Variants in TTC28 observed in about 807,000 individuals in gnomAD.
TTC28 encodes tetratricopeptide repeat domain 28, also known as tetratricopeptide repeat protein 28.
In TTC28, 61 loss-of-function variants were observed where a neutral mutation model predicts 198.0. That is an observed-to-expected ratio of 0.31 (90% CI 0.25 to 0.38). The LOEUF (loss-of-function observed/expected upper bound fraction) is 0.38. Among genes scored for constraint, TTC28 ranks in the 10% least tolerant of loss-of-function variants. The probability of loss-of-function intolerance (pLI) is 1.00; values close to 1 mark genes in which losing one functional copy is unlikely to be tolerated. For synonymous variants in TTC28, 1,171 were observed against 1,297.8 expected, an observed-to-expected ratio of 0.90 and a Z score of 2.10; for missense variants, 2,678 against 3,164.0, an observed-to-expected ratio of 0.85 and a Z score of 3.69.
chr22:28,151,136 T>C (rs562500939), intron 6 of TTC28, among the ~76,000 whole-genome samples: 3 of 152,322 alleles, frequency 2.0e-5, no homozygotes, highest in East Asian at 1.9e-4. Flanking sequence ...ATTAGAAAGA[T>C]AGAGCTGTTG....
At position 27,999,158 on chromosome 22, in the gene TTC28, A is replaced by G; in HGVS notation, c.4501T>C (p.Trp1501Arg). 6.4e-7 allele frequency: 1 copy of G among 1,550,618 alleles called. No individual in the cohort carries two copies. Among genetic ancestry groups the G allele is most frequent in the Non-Finnish European group, 8.7e-7 (1 of 1,146,984 alleles). The change falls in exon 16 of 23, where the codon TGG (tryptophan) becomes CGG (arginine). Residue 1501 changes from tryptophan (W) to arginine (R), a missense_variant. By Grantham distance (101) the Trp-to-Arg change is moderately radical. Around this residue, in one of 8 missense-constraint regions of TTC28, gnomAD observed 727 missense variants for 861.9 expected, o/e 0.84. Coordinates refer to ENST00000397906, the MANE Select transcript of TTC28 (RefSeq NM_001145418.2). ...LPSAVMDRWL[W>R]GPMPSAEEEA... is the part of the protein sequence containing the mutation. ...TCCTCGGCCGATGGCATGGGCCCCC[A>G]CAGCCACCTGTCCATCACGGCCGAT...
Position 27,983,431 on chromosome 22 carries a change from G to A in TTC28, c.6236C>T (p.Ser2079Leu). The A allele has an allele frequency of 1.3e-6, 2 of 1,550,068 alleles. No individual in the cohort carries two copies. Among genetic ancestry groups the A allele is most frequent in the East Asian group, 2.4e-5 (1 of 40,904 alleles). The change falls in exon 23 of 23, where the codon TCA becomes TTA. Residue 2079 changes from serine to leucine, a missense_variant. Physicochemically the swap from Ser to Leu is moderately radical, Grantham distance 145. Transcript: ENST00000397906. ...AGGTTGGGGTTGTTTGTGGTCTGGT[G>A]AGAAGCATGTGTTTCGGTTTTCTTG... ...TYQENRNTCF[S>L]PDHKQPQPGT...
At chr22:28,615,402 G>C (rs574843612) in intron 2 of TTC28, among the ~76,000 whole-genome samples, 4 of 152,302 alleles carry the variant, frequency 2.6e-5, no homozygotes, top group Non-Finnish European at 5.9e-5. Flanking sequence ...AATTTCTCAA[G>C]TATCTAGAAC....
intron 5 of TTC28, among the ~76,000 whole-genome samples, chr22:28,279,614 C>A (rs1393423644): frequency 6.6e-6 from 1 of 152,202 alleles, no homozygotes; most frequent in Non-Finnish European, 1.5e-5. Context: ...TTGTGACCCA[C>A]CCACCTGGGC....
intron 6 of TTC28, among the ~76,000 whole-genome samples, chr22:28,139,535 G>A (rs1241360872): frequency 6.6e-6 from 1 of 152,044 alleles, no homozygotes; most frequent in East Asian, 1.9e-4. Context: ...AATGTAAAGG[G>A]CTTTCCATTG....
intron 13 of TTC28, among the ~76,000 whole-genome samples, chr22:28,024,912 A>G (rs1457183110): frequency 6.6e-6 from 1 of 152,180 alleles, no homozygotes; most frequent in African/African-American, 2.4e-5. Context: ...TGTGGCACAG[A>G]TGACCTGGAG....
At chr22:28,022,030 A>G (rs1183492416) in intron 13 of TTC28, among the ~76,000 whole-genome samples, 1 of 152,244 alleles carries the variant, frequency 6.6e-6, no homozygotes, top group Non-Finnish European at 1.5e-5. Context: ...ATGAGTAAAC[A>G]AAGATGCAAG....
At chr22:28,457,209 G>A (rs942087529) in intron 2 of TTC28, among the ~76,000 whole-genome samples, 8 of 152,132 alleles carry the variant, frequency 5.3e-5, no homozygotes, top group African/African-American at 1.4e-4. Context: ...TAATTAGGCC[G>A]AGTAAGATGA....
chr22:28,350,355 T>C (rs75592774), intron 2 of TTC28, among the ~76,000 whole-genome samples: 3,824 of 152,332 alleles, frequency 0.025, 69 homozygotes, highest in Admixed American at 0.041. Flanking sequence ...TCTTAGTTTT[T>C]AGCTTTTTTC....
At chr22:28,259,256 A>G (rs989869198) in intron 5 of TTC28, among the ~76,000 whole-genome samples, 1 of 152,170 alleles carries the variant, frequency 6.6e-6, no homozygotes, top group Non-Finnish European at 1.5e-5. Flanking sequence ...TTTCCAAGTC[A>G]TCATAGACTG....
At chr22:28,225,036 A>T (rs568657949) in intron 5 of TTC28, among the ~76,000 whole-genome samples, 75 of 152,234 alleles carry the variant, frequency 4.9e-4, no homozygotes, top group Middle Eastern at 3.4e-3. Context: ...ATCCATTAAC[A>T]ATCAAATAAT....
chr22:28,244,058 ATATC>A (rs1388963334), intron 5 of TTC28, among the ~76,000 whole-genome samples: 1 of 152,234 alleles, frequency 6.6e-6, no homozygotes, highest in Non-Finnish European at 1.5e-5. Flanking sequence ...ATTATTAGAT[ATATC>A]TATTTCAGAA....
rs192599903 is a variant in TTC28 at position 28,241,616 on chromosome 22, T to G, written c.933+54582A>C. On this transcript the variant is annotated intron_variant, in intron 5 of 22. Transcript: ENST00000397906. ...AATGGTTCGAGATTAAAAATATATATAGAGAGAGAAAATATGGTAAAACAA... is the reference window on the plus strand; with the variant it reads ...AATGGTTCGAGATTAAAAATATATAGAGAGAGAGAAAATATGGTAAAACAA... Among the ~76,000 whole-genome samples, 506 of 152,156 alleles carry G rather than the reference T, an allele frequency of 3.3e-3. 2 individuals are homozygous for G. The highest frequency in any genetic ancestry group is 5.2e-3 in the African/African-American group (216 of 41,522).
At chr22:28,237,285 G>T (rs1382714218) in intron 5 of TTC28, among the ~76,000 whole-genome samples, 3 of 152,094 alleles carry the variant, frequency 2.0e-5, no homozygotes, top group African/African-American at 4.8e-5. Context: ...TCCACTGCAT[G>T]TTGTGATCTA....
chr22:28,386,492 T>A (rs1486876486), intron 2 of TTC28, among the ~76,000 whole-genome samples: 1 of 152,076 alleles, frequency 6.6e-6, no homozygotes, highest in African/African-American at 2.4e-5. Flanking sequence ...ATGAATTAAA[T>A]TTAATTTGCT....
intron 2 of TTC28, among the ~76,000 whole-genome samples, chr22:28,533,494 T>G (rs1199221102): frequency 2.0e-5 from 3 of 152,188 alleles, no homozygotes; most frequent in African/African-American, 7.2e-5. Flanking sequence ...CAAGGTAATT[T>G]ATAGATTCAA....
intron 2 of TTC28, among the ~76,000 whole-genome samples, chr22:28,552,171 C>G (rs189646995): frequency 3.3e-5 from 5 of 152,172 alleles, no homozygotes; most frequent in Non-Finnish European, 7.4e-5. Context: ...ATATACCTAA[C>G]CAAGGAGGCG....
At chr22:28,226,757 T>TC (rs1928374675) in intron 5 of TTC28, among the ~76,000 whole-genome samples, 1 of 152,210 alleles carries the variant, frequency 6.6e-6, no homozygotes, top group Non-Finnish European at 1.5e-5. Context: ...GTTGTTTTTG[T>TC]CACTCAGTGC....
intron 12 of TTC28, among the ~76,000 whole-genome samples, chr22:28,079,889 G>T (rs532611635): frequency 6.6e-6 from 1 of 152,124 alleles, no homozygotes; most frequent in East Asian, 1.9e-4. Context: ...ACCACATCTG[G>T]CTAGTTTTAA....
Sources: allele counts gnomAD v4.1 joint callset (sites outside exome capture counted in the v4.1 genomes callset), GRCh38; gene constraint gnomAD v4.1.1; regional missense constraint gnomAD v4.1.1; transcripts MANE v1.5; gene names NCBI Gene and HGNC (gene_info 2026-07-23, HGNC 2026-07-21).